The following NUP160 variants were observed in gnomAD, a reference collection of about 807,000 sequenced individuals.
NUP160 encodes the protein nuclear pore complex protein Nup160.
In NUP160, 94 loss-of-function variants were observed where a neutral mutation model predicts 196.9. That is an observed-to-expected ratio of 0.48 (90% CI 0.40 to 0.57). The LOEUF (loss-of-function observed/expected upper bound fraction) is 0.57. NUP160 is among the 20% of genes least tolerant of loss of function. The probability of loss-of-function intolerance (pLI) is 0.00; values close to 1 mark genes in which losing one functional copy is unlikely to be tolerated. For synonymous variants in NUP160, 605 were observed against 619.7 expected (o/e 0.98, Z 0.35); for missense variants, 1,638 against 1,748.3 (o/e 0.94, Z 1.13).
chr11:47,796,204 A>G, intron 27 of NUP160: 1 of 453,410 alleles, frequency 2.2e-6, no homozygotes, highest in Non-Finnish European at 4.0e-6. Context: ...GACACCAGGA[A>G]GGTGAGATCT....
chr11:47,784,241 G>A (rs1004544058), intron 33 of NUP160, among the ~76,000 whole-genome samples: 3 of 152,106 alleles, frequency 2.0e-5, no homozygotes, highest in Non-Finnish European at 4.4e-5. Context: ...TCTAGGATGA[G>A]GAATCTGTAT....
intron 34 of NUP160, among the ~76,000 whole-genome samples, chr11:47,782,067 G>A (rs2097661183): frequency 6.6e-6 from 1 of 151,832 alleles, no homozygotes; most frequent in South Asian, 2.1e-4. Flanking sequence ...GATCACTTGA[G>A]GTTAGGAGTT....
chr11:47,798,189 G>A, exon 25 of NUP160: 3 of 1,612,098 alleles, frequency 1.9e-6, no homozygotes, highest in African/African-American at 1.3e-5. Context: ...AGGAATTTGG[G>A]TTAAGGCTTC....
At chr11:47,809,256 C>CAAAAAAAAAAAAAAAAAAAAAAAAA (rs35748617) in intron 17 of NUP160, among the ~76,000 whole-genome samples, 2 of 94,774 alleles carry the variant, frequency 2.1e-5, no homozygotes, top group Non-Finnish European at 3.8e-5. Flanking sequence ...GAACTTGTCT[C>CAAAAAAAAAAAAAAAAAAAAAAAAA]AAAAAAAAAA....
exon 6 of NUP160, chr11:47,836,957 T>C: frequency 2.5e-6 from 4 of 1,613,888 alleles, no homozygotes; most frequent in South Asian, 1.1e-5. Context: ...CTCCACACAA[T>C]GAACAGCAAG....
At chr11:47,846,427 T>C (rs1258751077) in intron 2 of NUP160, among the ~76,000 whole-genome samples, 1 of 152,222 alleles carries the variant, frequency 6.6e-6, no homozygotes, top group African/African-American at 2.4e-5. Context: ...TATTCATATC[T>C]ATCCAAAATC....
chr11:47,840,532 A>C, exon 3 of NUP160: 1 of 1,613,992 alleles, frequency 6.2e-7, no homozygotes, highest in Non-Finnish European at 8.5e-7. Context: ...GGCATTATTC[A>C]ACAGATTTAT....
At chr11:47,779,601 T>TA (rs1208573632) in intron 35 of NUP160, 1 of 518,140 alleles carries the variant, frequency 1.9e-6, no homozygotes, top group Admixed American at 2.0e-5. Flanking sequence ...GCCATCACTA[T>TA]AATGACTCAA....
intron 29 of NUP160, 46 bp downstream of exon 29, chr11:47,791,878 TAACAAC>T (rs772135701): frequency 2.6e-5 from 30 of 1,135,198 alleles, no homozygotes; most frequent in Non-Finnish European, 3.7e-5. Flanking sequence ...CAACTAACAA[TAACAAC>T]ATTACTACTG....
intron 17 of NUP160, among the ~76,000 whole-genome samples, chr11:47,810,827 T>C (rs2097680689): frequency 6.6e-6 from 1 of 152,164 alleles, no homozygotes; most frequent in African/African-American, 2.4e-5. Context: ...ATTACAGGTG[T>C]GAGCCACTGT....
At chr11:47,824,018 T>TGC (rs1851915077) in intron 7 of NUP160, among the ~76,000 whole-genome samples, 25 of 59,200 alleles carry the variant, frequency 4.2e-4, no homozygotes, top group Admixed American at 3.9e-3. Flanking sequence ...CATATATATA[T>TGC]ATATATATAT....
chr11:47,792,768 G>A lies in NUP160; in HGVS notation c.3450+18C>T, dbSNP rs745359163. The stretch of plus-strand genomic sequence containing the variant: ...TCCAGGATGAACCCCCAAATTCCAG[G>A]ATGAAATGTTTTCATACCACTGCAC... On this transcript the variant is annotated intron_variant, in intron 28 of 35. Coordinates refer to ENST00000378460, the Ensembl canonical transcript of NUP160. 1 of 1,577,120 alleles carries A rather than the reference G, an allele frequency of 6.3e-7. No homozygotes were observed. Among genetic ancestry groups the A allele is most frequent in the South Asian group, 1.2e-5 (1 of 86,108 alleles).
rs375847653 is a variant in NUP160, at chr11:47,808,567, T to C, written c.2242-38A>G. ...GGTAGGTGGACCAGACAAGAAATTA[T>C]AGCAATTAGTAATGGTAACTCTTAC... On this transcript the variant is annotated intron_variant, in intron 17 of 35. Coordinates refer to ENST00000378460, the Ensembl canonical transcript of NUP160. The C allele has an allele frequency of 4.6e-5, 72 of 1,576,296 alleles. No individual in the cohort carries two copies. In the African/African-American group the frequency reaches 8.4e-4, roughly 18 times the overall value.
chr11:47,815,864 T>C, intron 12 of NUP160, 82 bp downstream of exon 12: 1 of 1,130,760 alleles, frequency 8.8e-7, no homozygotes, highest in Admixed American at 2.2e-5. Context: ...AAGTGAAGAA[T>C]TCCAGTAATT....
intron 35 of NUP160, among the ~76,000 whole-genome samples, chr11:47,779,745 G>C (rs1013623048): frequency 6.6e-6 from 1 of 152,110 alleles, no homozygotes; most frequent in Non-Finnish European, 1.5e-5. Flanking sequence ...TTCAGGGTGG[G>C]GGAATGGAGT....
At chr11:47,810,030 T>C (rs1342641816) in intron 17 of NUP160, among the ~76,000 whole-genome samples, 2 of 152,152 alleles carry the variant, frequency 1.3e-5, no homozygotes, top group African/African-American at 4.8e-5. Flanking sequence ...ATTACTTCTG[T>C]GTTCAGAAAA....
At chr11:47,803,329 T>G (rs575227171) in intron 22 of NUP160, 109 bp downstream of exon 22, 1 of 684,858 alleles carries the variant, frequency 1.5e-6, no homozygotes, top group East Asian at 2.7e-5. Context: ...TTTAACTTTA[T>G]GTAGAGGATT....
intron 34 of NUP160, among the ~76,000 whole-genome samples, chr11:47,782,295 A>ATAT: frequency 2.6e-5 from 1 of 38,022 alleles, no homozygotes; most frequent in Non-Finnish European, 5.2e-5. Flanking sequence ...CAGTTAAAAA[A>ATAT]AAAAAAAAAT....
intron 4 of NUP160, 27 bp from the exon 5 acceptor site, chr11:47,837,650 G>C: frequency 6.3e-7 from 1 of 1,583,424 alleles, no homozygotes; most frequent in Non-Finnish European, 8.7e-7. Flanking sequence ...GGCACCTCTT[G>C]AACACACTTA....
Sources: gnomAD v4.1 joint callset for allele counts (sites outside exome capture counted in the v4.1 genomes callset) on GRCh38, gnomAD v4.1.1 for gene constraint, MANE v1.5 for transcripts, NCBI Gene and HGNC (gene_info 2026-07-23, HGNC 2026-07-21) for gene names.